SLC25A30: variants seen among roughly 807,000 people sequenced by gnomAD.
SLC25A30 encodes the protein kidney mitochondrial carrier protein 1.
In SLC25A30, 29 loss-of-function variants were observed where a neutral mutation model predicts 42.7. The ratio of observed to expected loss-of-function variants is 0.68; its 90% CI spans 0.51 to 0.93. The LOEUF (loss-of-function observed/expected upper bound fraction) is 0.93, where lower values mean the gene tolerates loss of function less well. SLC25A30 is among the 40% of genes least tolerant of loss of function. SLC25A30 has a pLI of 0.00. For missense variants in SLC25A30, 300 were observed against 359.7 expected (o/e 0.83, Z 1.34); for synonymous variants, 124 against 131.0 (o/e 0.95, Z 0.37).
chr13:45,427,933 G>T, the SLC25A30 span, among the ~76,000 whole-genome samples: 2 of 151,916 alleles, frequency 1.3e-5, no homozygotes, highest in African/African-American at 4.8e-5. Flanking sequence ...GTAGAAACGG[G>T]GGTTTCACCA....
chr13:45,399,088 C>G lies in SLC25A30; in HGVS notation c.615-10G>C. 6.4e-7 allele frequency: 1 copy of G among 1,560,338 alleles called. No individual in the cohort carries two copies. The highest frequency in any genetic ancestry group is 8.6e-7 in the Non-Finnish European group (1 of 1,159,572). On this transcript the variant is annotated splice_polypyrimidine_tract_variant and intron_variant, in intron 7 of 9. Coordinates refer to ENST00000519676, the MANE Select transcript of SLC25A30 (RefSeq NM_001010875.4). Reference sequence around the variant, plus strand: ...ACAGGTGAAGCTTGAGCTATAAAGACACCATTGGAAAAAAAAAAAAAAGTT... The same window carrying G: ...ACAGGTGAAGCTTGAGCTATAAAGAGACCATTGGAAAAAAAAAAAAAAGTT...
intron 8 of SLC25A30, 196 bp from the exon 9 acceptor site, chr13:45,397,534 T>C (rs1328139542): frequency 4.9e-6 from 2 of 406,894 alleles, no homozygotes; most frequent in African/African-American, 4.2e-5. Context: ...CTACTAAAAA[T>C]ACAAAAAAAA....
At chr13:45,406,444 A>T (rs1882518939) in intron 3 of SLC25A30, among the ~76,000 whole-genome samples, 1 of 152,174 alleles carries the variant, frequency 6.6e-6, no homozygotes, top group Non-Finnish European at 1.5e-5. Flanking sequence ...TTATTAGCTC[A>T]CTAAGTGAAA....
Position 45,408,934 on chromosome 13 carries a change from A to G in SLC25A30, c.205T>C (p.Tyr69His), listed in dbSNP as rs774462993. The G allele has an allele frequency of 8.1e-6, 13 of 1,608,682 alleles. No individual in the cohort carries two copies. The highest frequency in any genetic ancestry group is 3.3e-4 in the Middle Eastern group (2 of 6,074). The change falls in exon 3 of 10, where the codon TAC becomes CAC. Residue 69 changes from tyrosine to histidine, a missense_variant. Physicochemically the swap from Tyr to His is moderately conservative, Grantham distance 83 (BLOSUM62 2). Coordinates refer to ENST00000519676, the MANE Select transcript of SLC25A30 (RefSeq NM_001010875.4). ...GCATGAAGGCCTACTCACCCCGAGT[A>G]GAGTGCTTTCAGCCCTTCTTCTCTG... is the stretch of plus-strand genomic sequence containing the variant. ...IGREEGLKAL[Y>H]SGIAPAMLRQ...
chr13:45,393,522 A>G lies in SLC25A30; in HGVS notation c.*2452T>C. 1.0e-6 allele frequency: 1 copy of G among 985,468 alleles called. No individual in the cohort carries two copies. The highest frequency in any genetic ancestry group is 1.2e-6 in the Non-Finnish European group (1 of 829,930). 61.0% of individuals were successfully genotyped at this position (985,468 alleles called of 1,614,324 possible). On this transcript the variant is annotated 3_prime_UTR_variant, in exon 10 of 10. Coordinates refer to ENST00000519676, the MANE Select transcript of SLC25A30 (RefSeq NM_001010875.4). ...ATATTATGAATCCACAACATTAAGC[A>G]TCAATGATTACACAAATCCATAAGC... is the stretch of plus-strand genomic sequence containing the variant.
Position 45,397,351 on chromosome 13 carries a change from GA to G in SLC25A30, c.754-14del, listed in dbSNP as rs748017114. 2.0e-5 allele frequency: 32 copies of G among 1,583,478 alleles called. No homozygotes were observed. Among genetic ancestry groups the G allele is most frequent in the Middle Eastern group, 1.7e-4 (1 of 6,010 alleles). On this transcript the variant is annotated splice_polypyrimidine_tract_variant and intron_variant, in intron 8 of 9. Transcript: ENST00000519676. ...CATTCTTCCATGTCTGTTAAAAGAAGAAAAAAAAGTTAACTTCCAACTTTCT... is the reference window on the plus strand; with the variant it reads ...CATTCTTCCATGTCTGTTAAAAGAAGAAAAAAAGTTAACTTCCAACTTTCT...
At chr13:45,424,179 A>G in the SLC25A30 span, among the ~76,000 whole-genome samples, 2 of 100,784 alleles carry the variant, frequency 2.0e-5, no homozygotes, top group African/African-American at 4.1e-5. Flanking sequence ...CAATATATAT[A>G]AATATTTATG....
the SLC25A30 span, among the ~76,000 whole-genome samples, chr13:45,430,532 A>G: frequency 1.3e-5 from 2 of 152,128 alleles, no homozygotes; most frequent in Non-Finnish European, 2.9e-5. Flanking sequence ...GGGGCCTGGC[A>G]TGGTGGCTCA....
the SLC25A30 span, among the ~76,000 whole-genome samples, chr13:45,428,800 T>C: frequency 2.3e-3 from 342 of 151,648 alleles, 2 homozygotes; most frequent in African/African-American, 7.8e-3. Flanking sequence ...GGATTACAGG[T>C]GTGAGCCACT....
chr13:45,412,126 T>C (rs1883087957), intron 1 of SLC25A30, among the ~76,000 whole-genome samples: 2 of 145,014 alleles, frequency 1.4e-5, no homozygotes, highest in South Asian at 4.4e-4. Flanking sequence ...CTTCTTTTTT[T>C]GTTTTTTTTT....
the SLC25A30 span, among the ~76,000 whole-genome samples, chr13:45,423,886 T>TAAAAAA: frequency 0.055 from 4,235 of 77,194 alleles, 179 homozygotes; most frequent in Non-Finnish European, 0.08. Flanking sequence ...TATAAAAATA[T>TAAAAAA]ATATATAAAT....
At chr13:45,396,477 G>T in intron 9 of SLC25A30, 1 of 479,526 alleles carries the variant, frequency 2.1e-6, no homozygotes, top group Non-Finnish European at 2.8e-6. Flanking sequence ...GCCCTTCAGT[G>T]TCTAATTAAC....
At chr13:45,400,014 T>TTATATATATATG (rs1338195041) in intron 7 of SLC25A30, among the ~76,000 whole-genome samples, 4,151 of 88,094 alleles carry the variant, frequency 0.047, 237 homozygotes, top group African/African-American at 0.14. Flanking sequence ...TTATGTATGA[T>TTATATATATATG]TATATATATA....
chr13:45,399,196 G>T, intron 7 of SLC25A30, 118 bp from the exon 8 acceptor site: 1 of 1,144,424 alleles, frequency 8.7e-7, no homozygotes, highest in Non-Finnish European at 1.2e-6. Flanking sequence ...TGTGGTTTTC[G>T]TGTTTTGTTT....
chr13:45,399,372 A>AT (rs1412403959), intron 7 of SLC25A30, among the ~76,000 whole-genome samples: 4 of 151,774 alleles, frequency 2.6e-5, no homozygotes, highest in Non-Finnish European at 5.9e-5. Context: ...CATCCAGCTA[A>AT]TTTTTTTTGT....
the SLC25A30 span, among the ~76,000 whole-genome samples, chr13:45,428,663 C>T: frequency 6.6e-6 from 1 of 151,512 alleles, no homozygotes; most frequent in African/African-American, 2.4e-5. Flanking sequence ...GCTGGGATTA[C>T]AGGTACGCAC....
chr13:45,394,486 C>T lies in SLC25A30; in HGVS notation c.*1488G>A. 1 of 985,324 alleles carries T rather than the reference C, an allele frequency of 1.0e-6. No individual in the cohort carries two copies. Among genetic ancestry groups the T allele is most frequent in the African/African-American group, 1.7e-5 (1 of 57,306 alleles). 61.0% of individuals were successfully genotyped at this position (985,324 alleles called of 1,614,324 possible). A position where few individuals can be genotyped will look rare whatever the true frequency, so the allele number is the denominator to read the frequency against. On this transcript the variant is annotated 3_prime_UTR_variant, in exon 10 of 10. Coordinates refer to ENST00000519676, the MANE Select transcript of SLC25A30 (RefSeq NM_001010875.4). ...CTGTGGAAGGAGAATGCCCTGGAGCCCCAGCTAACATGTATTTAATGTTGT... is the reference window on the plus strand; with the variant it reads ...CTGTGGAAGGAGAATGCCCTGGAGCTCCAGCTAACATGTATTTAATGTTGT...
chr13:45,411,716 A>C, intron 1 of SLC25A30: 1 of 421,736 alleles, frequency 2.4e-6, no homozygotes, highest in Non-Finnish European at 4.5e-6. Context: ...TCAAGAAGTA[A>C]TCAGCTACTT....
At chr13:45,410,413 T>A (rs1882901488) in intron 2 of SLC25A30, among the ~76,000 whole-genome samples, 1 of 152,208 alleles carries the variant, frequency 6.6e-6, no homozygotes, top group African/African-American at 2.4e-5. Context: ...ATGGTAATAA[T>A]CCCAGTACTT....
Sources: allele counts gnomAD v4.1 joint callset (sites outside exome capture counted in the v4.1 genomes callset), GRCh38; gene constraint gnomAD v4.1.1; transcripts MANE v1.5; gene names NCBI Gene and HGNC (gene_info 2026-07-23, HGNC 2026-07-21).